AVEN: variants seen among roughly 807,000 people sequenced by gnomAD.
AVEN encodes cell death regulator Aven.
Under a neutral mutation model 38.1 loss-of-function variants are expected in AVEN, and 41 were observed. The observed-to-expected ratio is 1.08, with a 90% CI of 0.84 to 1.40. The LOEUF (loss-of-function observed/expected upper bound fraction) is 1.40. AVEN is among the 40% of genes most tolerant of loss of function. AVEN has a pLI of 0.00. For synonymous variants in AVEN, 206 were observed against 171.8 expected, an observed-to-expected ratio of 1.20 and a Z score of -1.56; for missense variants, 605 against 438.8, an observed-to-expected ratio of 1.38 and a Z score of -3.38.
At chr15:33,861,199 AAAGT>A in intron 11 of AVEN, 5 of 1,534,540 alleles carry the variant, frequency 3.3e-6, no homozygotes, top group Non-Finnish European at 4.4e-6. Context: ...TTGGTTAACA[AAAGT>A]AATGGCAGCT....
chr15:34,021,777 C>T (rs1378135106), intron 1 of AVEN, among the ~76,000 whole-genome samples: 1 of 151,924 alleles, frequency 6.6e-6, no homozygotes, highest in Non-Finnish European at 1.5e-5. Flanking sequence ...ATCACTTGAA[C>T]CCAGGAGGTG....
chr15:33,864,022 G>C (rs935359211), downstream of AVEN: 2 of 672,760 alleles, frequency 3.0e-6, no homozygotes, highest in Non-Finnish European at 2.6e-6. Context: ...GATCATTTAA[G>C]TCACTGTAGA....
At chr15:34,007,540 A>T (rs1897409957) in intron 1 of AVEN, among the ~76,000 whole-genome samples, 1 of 152,160 alleles carries the variant, frequency 6.6e-6, no homozygotes, top group Non-Finnish European at 1.5e-5. Flanking sequence ...TTCTACCAAC[A>T]GTATCTTCAA....
chr15:34,025,110 C>A (rs1032443141), intron 1 of AVEN, among the ~76,000 whole-genome samples: 1 of 151,802 alleles, frequency 6.6e-6, no homozygotes, highest in Non-Finnish European at 1.5e-5. Context: ...GCAGAGGATG[C>A]AATAAGCAGA....
chr15:33,947,617 C>G (rs1171157655), intron 2 of AVEN, among the ~76,000 whole-genome samples: 1 of 152,098 alleles, frequency 6.6e-6, no homozygotes. Flanking sequence ...CTCCTGTACA[C>G]TTCAAATCAC....
Position 33,866,661 on chromosome 15 carries a change from ATTT to A in AVEN, c.1038_1040del (p.Lys346del). The A allele has an allele frequency of 6.2e-7, 1 of 1,613,988 alleles. No homozygotes were observed. The highest frequency in any genetic ancestry group is 8.5e-7 in the Non-Finnish European group (1 of 1,179,950). On this transcript the variant is annotated inframe_deletion, in exon 6 of 6. Transcript: ENST00000306730. Reference sequence around the variant, plus strand: ...AGTCTTCCAGCTCTTCCTCGGTAACATTTTTGGAGGTACTTGGTTGCTCAGGTT... The same window carrying A: ...AGTCTTCCAGCTCTTCCTCGGTAACATTGGAGGTACTTGGTTGCTCAGGTT...
At position 33,996,112 on chromosome 15, in the gene AVEN, C is replaced by A. The variant is rs145973059; in HGVS notation, c.445+6920G>T. Among the ~76,000 whole-genome samples the A allele has an allele frequency of 3.3e-4, 51 of 152,368 alleles. No homozygotes were observed. The East Asian group carries it at 9.3e-3, about 28-fold the overall frequency. ...AGTCTGAGATAGACCTGTGAGGCAG[C>A]AGCCTGGCAGGGGGAGGGGCGTCTG... On this transcript the variant is annotated intron_variant, in intron 2 of 5. Coordinates refer to ENST00000306730, the MANE Select transcript of AVEN (RefSeq NM_020371.3).
rs910947920 is a variant in AVEN at position 33,937,390 on chromosome 15, G to A, written c.446-61395C>T. Among the ~76,000 whole-genome samples, 12 of 151,630 alleles carry A rather than the reference G, an allele frequency of 7.9e-5. No individual in the cohort carries two copies. The South Asian group carries it at 1.5e-3, about 19-fold the overall frequency. ...CTACTAAAAATACAAAAAATTAGCC[G>A]GGCGTGGTGGCAGGCGCCTGTAGGC... is the stretch of plus-strand genomic sequence containing the variant. On this transcript the variant is annotated intron_variant, in intron 2 of 5. Transcript: ENST00000306730.
chr15:34,072,574 C>T (rs1319340016), intron 1 of AVEN, among the ~76,000 whole-genome samples: 12 of 148,034 alleles, frequency 8.1e-5, no homozygotes, highest in African/African-American at 1.7e-4. Flanking sequence ...CTGGCCACTG[C>T]ACTCCAGCCT....
intron 1 of AVEN, among the ~76,000 whole-genome samples, chr15:34,024,776 G>A (rs1020114104): frequency 1.9e-4 from 29 of 151,236 alleles, no homozygotes; most frequent in Non-Finnish European, 3.4e-4. Context: ...CAGGAGAATA[G>A]CTTGAACCCA....
chr15:33,881,883 A>G (rs1891499427), intron 2 of AVEN, among the ~76,000 whole-genome samples: 1 of 152,246 alleles, frequency 6.6e-6, no homozygotes, highest in South Asian at 2.1e-4. Context: ...TAAAAGGTAT[A>G]GAAGAAAACC....
intron 2 of AVEN, among the ~76,000 whole-genome samples, chr15:33,965,063 AATG>A (rs1205043486): frequency 2.0e-5 from 3 of 152,232 alleles, no homozygotes; most frequent in African/African-American, 2.4e-5. Flanking sequence ...ATAGAAGATG[AATG>A]ATAACAGTCT....
chr15:34,017,490 T>TTTTG (rs1555516594), intron 1 of AVEN, among the ~76,000 whole-genome samples: 51 of 82,656 alleles, frequency 6.2e-4, no homozygotes, highest in African/African-American at 4.3e-4. Flanking sequence ...TTTTGTTTTT[T>TTTTG]TTTTTTTTTT....
chr15:33,894,430 C>T (rs989039931), intron 2 of AVEN, among the ~76,000 whole-genome samples: 7 of 150,840 alleles, frequency 4.6e-5, no homozygotes, highest in Non-Finnish European at 1.0e-4. Flanking sequence ...AAACTGAAAC[C>T]ACTGACAGCT....
chr15:33,857,619 G>A (rs559204770), downstream of AVEN, among the ~76,000 whole-genome samples: 31 of 152,034 alleles, frequency 2.0e-4, no homozygotes, highest in Non-Finnish European at 3.5e-4. Flanking sequence ...TTCCTCCTCT[G>A]CTCATGGCCT....
chr15:34,040,615 T>C (rs945157551), upstream of AVEN, among the ~76,000 whole-genome samples: 1 of 152,198 alleles, frequency 6.6e-6, no homozygotes, highest in Non-Finnish European at 1.5e-5. Context: ...CTAAAACAGA[T>C]GTTAAGTAAC....
intron 2 of AVEN, among the ~76,000 whole-genome samples, chr15:34,002,446 CCT>C (rs1449539288): frequency 2.0e-5 from 3 of 152,224 alleles, no homozygotes; most frequent in East Asian, 3.9e-4. Context: ...TCCATTCTTC[CCT>C]GTTACTGCTC....
At chr15:34,059,064 C>G (rs1900251622) in intron 5 of AVEN, among the ~76,000 whole-genome samples, 1 of 151,864 alleles carries the variant, frequency 6.6e-6, no homozygotes, top group Non-Finnish European at 1.5e-5. Flanking sequence ...GCCCAGCTAA[C>G]TTTTGCATTT....
chr15:33,858,205 CATT>C (rs1344540796), downstream of AVEN: 3 of 328,368 alleles, frequency 9.1e-6, no homozygotes, highest in South Asian at 7.2e-5. Context: ...AAAGATGAGA[CATT>C]ATTTTATTTT....
Sources: allele counts gnomAD v4.1 joint callset (sites outside exome capture counted in the v4.1 genomes callset), GRCh38; gene constraint gnomAD v4.1.1; transcripts MANE v1.5; gene names NCBI Gene and HGNC (gene_info 2026-07-23, HGNC 2026-07-21).